Variants in HIVEP3 observed in about 807,000 individuals in gnomAD.
HIVEP3 encodes HIVEP zinc finger 3.
Under a neutral mutation model 152.8 loss-of-function variants are expected in HIVEP3, and 49 were observed. The ratio of observed to expected loss-of-function variants is 0.32; its 90% CI spans 0.26 to 0.41. HIVEP3 has a LOEUF of 0.41. HIVEP3 is among the 10% of genes least tolerant of loss of function. HIVEP3 has a pLI of 1.00. For missense variants in HIVEP3, 2,790 were observed against 3,103.3 expected, an observed-to-expected ratio of 0.90 and a Z score of 2.40; for synonymous variants, 1,269 against 1,289.0, an observed-to-expected ratio of 0.98 and a Z score of 0.33.
chr1:41,812,555 C>G (rs541193683), intron 1 of HIVEP3, among the ~76,000 whole-genome samples: 17 of 152,298 alleles, frequency 1.1e-4, no homozygotes, highest in African/African-American at 3.9e-4. Flanking sequence ...CAGCAGCTTT[C>G]TTGCATTCCT....
chr1:41,761,407 T>C (rs1413630874), intron 1 of HIVEP3, among the ~76,000 whole-genome samples: 1 of 151,996 alleles, frequency 6.6e-6, no homozygotes, highest in Admixed American at 6.5e-5. Flanking sequence ...TGTGTGCACA[T>C]GCATGTGCAT....
At chr1:41,914,653 C>G (rs866578241) in intron 1 of HIVEP3, among the ~76,000 whole-genome samples, 2 of 152,204 alleles carry the variant, frequency 1.3e-5, no homozygotes, top group Admixed American at 6.5e-5. Context: ...ATCTCAGCCA[C>G]CTTCCAGTTT....
At chr1:41,526,611 ACCC>A (rs1246405972) in intron 5 of HIVEP3, among the ~76,000 whole-genome samples, 1 of 8,332 alleles carries the variant, frequency 1.2e-4, no homozygotes, top group Non-Finnish European at 2.0e-4. Flanking sequence ...ACCTGCTCCC[ACCC>A]CCACCTTCAC....
At chr1:41,775,726 T>G (rs568645145) in intron 1 of HIVEP3, among the ~76,000 whole-genome samples, 1 of 152,028 alleles carries the variant, frequency 6.6e-6, no homozygotes, top group Admixed American at 6.6e-5. Context: ...CTGATCCTCA[T>G]GTGGTCCACC....
chr1:41,964,011 T>C (rs1273860503), intron 1 of HIVEP3, among the ~76,000 whole-genome samples: 4 of 152,246 alleles, frequency 2.6e-5, no homozygotes, highest in Admixed American at 6.5e-5. Context: ...AGAAGATATG[T>C]TGACGTCCTT....
At chr1:41,663,294 G>A (rs1645747422) in intron 2 of HIVEP3, among the ~76,000 whole-genome samples, 1 of 152,260 alleles carries the variant, frequency 6.6e-6, no homozygotes, top group Non-Finnish European at 1.5e-5. Flanking sequence ...AGCCTCAGGA[G>A]GAGACAATGG....
intron 1 of HIVEP3, among the ~76,000 whole-genome samples, chr1:41,786,107 G>A (rs773410554): frequency 2.0e-5 from 3 of 152,198 alleles, no homozygotes; most frequent in Non-Finnish European, 4.4e-5. Flanking sequence ...AGTCACAGCC[G>A]GCTGCCTGGG....
chr1:41,948,393 G>C (rs1390831107), intron 1 of HIVEP3, among the ~76,000 whole-genome samples: 1 of 152,120 alleles, frequency 6.6e-6, no homozygotes, highest in Non-Finnish European at 1.5e-5. Flanking sequence ...ACCTTCCGAG[G>C]GAACACCTAT....
At chr1:42,026,829 T>C (rs758277067) in intron 1 of HIVEP3, among the ~76,000 whole-genome samples, 3 of 152,236 alleles carry the variant, frequency 2.0e-5, no homozygotes, top group African/African-American at 7.2e-5. Flanking sequence ...CCCAAAACTA[T>C]TGCAAGCAAC....
rs554042995 is a variant in HIVEP3, at chr1:41,508,181, G to C, written c.*2270C>G. 4 of 151,718 alleles carry C rather than the reference G, an allele frequency of 2.6e-5. No individual in the cohort carries two copies. The highest frequency in any genetic ancestry group is 1.3e-4 in the Admixed American group (2 of 15,222). 9.4% of individuals were successfully genotyped at this position (151,718 alleles called of 1,614,324 possible). A position where few individuals can be genotyped will look rare whatever the true frequency, so the allele number is the denominator to read the frequency against. ...CAGGGGCTAGTCCACCAGAGCCCCC[G>C]GTCTGCTGCTTTGTAGGTCTGGGGC... is the stretch of plus-strand genomic sequence containing the variant. On this transcript the variant is annotated 3_prime_UTR_variant, in exon 9 of 9. Coordinates refer to ENST00000372583, the MANE Select transcript of HIVEP3 (RefSeq NM_024503.5).
At chr1:41,823,572 G>A (rs912451207) in intron 1 of HIVEP3, among the ~76,000 whole-genome samples, 1 of 152,170 alleles carries the variant, frequency 6.6e-6, no homozygotes, top group Admixed American at 6.5e-5. Flanking sequence ...CTTCTCCCTG[G>A]CTGCTGGCTG....
At chr1:41,932,526 C>T (rs1645000976) in intron 1 of HIVEP3, among the ~76,000 whole-genome samples, 1 of 151,246 alleles carries the variant, frequency 6.6e-6, no homozygotes, top group Non-Finnish European at 1.5e-5. Context: ...CAGTGATGTC[C>T]CTTCTTTCAT....
chr1:41,692,486 T>C (rs1646212714), intron 2 of HIVEP3, among the ~76,000 whole-genome samples: 1 of 152,142 alleles, frequency 6.6e-6, no homozygotes, highest in Admixed American at 6.5e-5. Flanking sequence ...TTAAATAAGG[T>C]ATCTTAAAAC....
At chr1:41,868,904 TG>T (rs1403088014) in intron 1 of HIVEP3, among the ~76,000 whole-genome samples, 1 of 152,246 alleles carries the variant, frequency 6.6e-6, no homozygotes, top group African/African-American at 2.4e-5. Context: ...GCATAATGAC[TG>T]TGCACATTAA....
At chr1:41,946,806 C>T (rs1645077522) in intron 1 of HIVEP3, among the ~76,000 whole-genome samples, 3 of 152,260 alleles carry the variant, frequency 2.0e-5, no homozygotes, top group Middle Eastern at 3.4e-3. Context: ...CGAGGCCCTA[C>T]AAGGACTCAA....
intron 3 of HIVEP3, among the ~76,000 whole-genome samples, chr1:41,586,025 A>T (rs946017519): frequency 1.3e-5 from 2 of 152,168 alleles, no homozygotes; most frequent in African/African-American, 4.8e-5. Context: ...AGCCTGTGAG[A>T]ACTTACAATC....
At chr1:41,861,306 G>T in intron 1 of HIVEP3, among the ~76,000 whole-genome samples, 1 of 152,242 alleles carries the variant, frequency 6.6e-6, no homozygotes, top group East Asian at 1.9e-4. Context: ...AAGCACTAGG[G>T]TTATAAAAAA....
intron 2 of HIVEP3, among the ~76,000 whole-genome samples, chr1:41,648,379 C>T (rs962032813): frequency 2.6e-5 from 4 of 152,210 alleles, no homozygotes; most frequent in Admixed American, 6.5e-5. Context: ...CACCATCTTA[C>T]AGAGACGCAA....
At chr1:41,674,668 C>T (rs1003074442) in intron 2 of HIVEP3, among the ~76,000 whole-genome samples, 1 of 152,204 alleles carries the variant, frequency 6.6e-6, no homozygotes, top group Admixed American at 6.5e-5. Flanking sequence ...ATCCCAGCCC[C>T]ACCCGGCTGC....
Sources: gnomAD v4.1 joint callset for allele counts (sites outside exome capture counted in the v4.1 genomes callset) on GRCh38, gnomAD v4.1.1 for gene constraint, MANE v1.5 for transcripts, NCBI Gene and HGNC (gene_info 2026-07-23, HGNC 2026-07-21) for gene names.